Variants in CAMTA1 observed in about 807,000 individuals in gnomAD.
CAMTA1 encodes calmodulin-binding transcription activator 1.
CAMTA1 carries 27 observed loss-of-function variants against 170.9 expected under a neutral mutation model. The observed-to-expected ratio is 0.16, with a 90% CI of 0.12 to 0.22. The LOEUF (loss-of-function observed/expected upper bound fraction) is 0.22. CAMTA1 is among the 10% of genes least tolerant of loss of function. CAMTA1 has a pLI of 1.00. For synonymous variants in CAMTA1, 833 were observed against 891.5 expected, an observed-to-expected ratio of 0.93 and a Z score of 1.17; for missense variants, 1,619 against 2,217.2, an observed-to-expected ratio of 0.73 and a Z score of 5.42.
At chr1:7,094,153 C>A (rs552050841) in intron 4 of CAMTA1, among the ~76,000 whole-genome samples, 4 of 152,174 alleles carry the variant, frequency 2.6e-5, no homozygotes, top group African/African-American at 4.8e-5. Context: ...ATTATAATAT[C>A]CACTCCATGT....
intron 5 of CAMTA1, among the ~76,000 whole-genome samples, chr1:7,318,908 G>T (rs1677944572): frequency 6.6e-6 from 1 of 152,218 alleles, no homozygotes; most frequent in South Asian, 2.1e-4. Flanking sequence ...TGGACTGCTA[G>T]GGAAACCGGG....
intron 3 of CAMTA1, among the ~76,000 whole-genome samples, chr1:7,090,126 A>G (rs1274113157): frequency 6.6e-6 from 1 of 152,006 alleles, no homozygotes; most frequent in Admixed American, 6.6e-5. Flanking sequence ...GGCCGGCTCC[A>G]TGGGATGTCA....
intron 5 of CAMTA1, among the ~76,000 whole-genome samples, chr1:7,355,304 G>GC (rs70984078): frequency 1 from 151,980 of 152,000 alleles, 75,980 homozygotes; most frequent in Middle Eastern, 1. Context: ...AGATGGCTTG[G>GC]CCCGGAGGGG....
intron 6 of CAMTA1, among the ~76,000 whole-genome samples, chr1:7,567,039 C>A (rs1469988599): frequency 6.6e-6 from 1 of 152,214 alleles, no homozygotes. Context: ...AGGCTCAGAG[C>A]AGACAGCTGT....
chr1:6,786,295 C>T (rs559659562), intron 1 of CAMTA1, among the ~76,000 whole-genome samples: 1 of 152,104 alleles, frequency 6.6e-6, no homozygotes, highest in African/African-American at 2.4e-5. Context: ...GCATCCCCGC[C>T]CCTCGCAGTC....
In CAMTA1 at chr1:6,934,710, G is replaced by A. The variant is rs1246863992; in HGVS notation, c.234+109500G>A. 4.9e-5 allele frequency among the ~76,000 whole-genome samples: 7 copies of A among 144,246 alleles called. No homozygotes were observed. Among genetic ancestry groups the A allele is most frequent in the African/African-American group, 1.3e-4 (5 of 38,902 alleles). 94.6% of individuals were successfully genotyped at this position (144,246 alleles called of 152,430 possible). ...CTCCCCTCTCTCCCCTCTTATGCCC[G>A]CACCATGGCTTTACCTAGCCCTGCT... On this transcript the variant is annotated intron_variant, in intron 3 of 22. Transcript: ENST00000303635. This position sits in a 1 kb window ranked among gnomAD's most constrained non-coding sequence, Gnocchi z 4.5.
intron 4 of CAMTA1, among the ~76,000 whole-genome samples, chr1:7,137,181 A>G (rs1407686341): frequency 1.3e-5 from 2 of 152,140 alleles, no homozygotes; most frequent in African/African-American, 4.8e-5. Context: ...TTAATCCATC[A>G]GCAAACTTGT....
chr1:7,404,906 CT>C (rs2090180504), intron 5 of CAMTA1, among the ~76,000 whole-genome samples: 1 of 151,788 alleles, frequency 6.6e-6, no homozygotes, highest in Non-Finnish European at 1.5e-5. Flanking sequence ...ATAAAAGGGT[CT>C]TTTTTTGTTT....
chr1:7,417,210 C>T lies in CAMTA1; in HGVS notation c.439-50620C>T, dbSNP rs570631362. The stretch of plus-strand genomic sequence containing the variant: ...TACTGGGGGGTGCCTCCCAGTTAGG[C>T]TGCTCAGGGGTCAGGGACCCACTTG... On this transcript the variant is annotated intron_variant, in intron 5 of 22. Transcript: ENST00000303635. Among the ~76,000 whole-genome samples, 416 of 152,394 alleles carry T rather than the reference C, an allele frequency of 2.7e-3. 1 individual carries two copies. Among genetic ancestry groups the T allele is most frequent in the African/African-American group, 9.5e-3 (394 of 41,598 alleles).
intron 7 of CAMTA1, among the ~76,000 whole-genome samples, chr1:7,655,462 AAC>A (rs1177560431): frequency 1.5e-5 from 2 of 130,350 alleles, no homozygotes; most frequent in Admixed American, 7.6e-5. Context: ...CCTATACACA[AAC>A]ACACCCACCT....
At chr1:7,722,656 T>G (rs2149796517) in intron 11 of CAMTA1, among the ~76,000 whole-genome samples, 1 of 152,356 alleles carries the variant, frequency 6.6e-6, no homozygotes, top group Middle Eastern at 3.4e-3. Context: ...ACTTTTGAGA[T>G]ACAGGAGTTA....
rs200299440 is a variant in CAMTA1 at position 7,542,839 on chromosome 1, G to GTTTT, written c.510+74939_510+74940insTTTT. Among the ~76,000 whole-genome samples the GTTTT allele has an allele frequency of 4.1e-3, 535 of 129,842 alleles. 3 individuals are homozygous for GTTTT. The highest frequency in any genetic ancestry group is 8.2e-3 in the Middle Eastern group (2 of 244). 85.2% of individuals were successfully genotyped at this position (129,842 alleles called of 152,430 possible). On this transcript the variant is annotated intron_variant, in intron 6 of 22. Transcript: ENST00000303635. ...GCCACCACGCCTGGCCTAAAACACAGTGTGTGTGTGTGTGTGTGTGTGTGT... is the reference window on the plus strand; with the variant it reads ...GCCACCACGCCTGGCCTAAAACACAGTTTTTGTGTGTGTGTGTGTGTGTGTGTGT...
chr1:7,181,196 G>A (rs1483783478), intron 4 of CAMTA1, among the ~76,000 whole-genome samples: 2 of 152,122 alleles, frequency 1.3e-5, no homozygotes, highest in Non-Finnish European at 2.9e-5. Flanking sequence ...AATTCAATAT[G>A]CATTCCTGAT....
rs116621387 is a variant in CAMTA1, at chr1:7,760,405, C to T, written c.4989+4737C>T. 9.6e-3 allele frequency among the ~76,000 whole-genome samples: 1,468 copies of T among 152,208 alleles called. 17 individuals are homozygous for T. Among genetic ancestry groups the T allele is most frequent in the African/African-American group, 0.032 (1,327 of 41,516 alleles). On this transcript the variant is annotated intron_variant, in intron 22 of 22. Coordinates refer to ENST00000303635, the MANE Select transcript of CAMTA1 (RefSeq NM_015215.4). ...TCCAAGGGACAGTTCTCTAACAATG[C>T]GGGGAAGTGTACTGAGAAGTAAACA...
At position 7,573,480 on chromosome 1, in the gene CAMTA1, C is replaced by T. The variant is rs547564484; in HGVS notation, c.511-66920C>T. Among the ~76,000 whole-genome samples, 7 of 152,296 alleles carry T rather than the reference C, an allele frequency of 4.6e-5. No homozygotes were observed. The South Asian group carries it at 1.5e-3, about 32-fold the overall frequency. ...GCTGCCCTAATAAATTACCACTGAC[C>T]GGGTGGCTTAAAACAGCAGACATTT... is the stretch of plus-strand genomic sequence containing the variant. On this transcript the variant is annotated intron_variant, in intron 6 of 22. Transcript: ENST00000303635.
chr1:7,472,059 T>C (rs1424878006), intron 6 of CAMTA1, among the ~76,000 whole-genome samples: 1 of 152,154 alleles, frequency 6.6e-6, no homozygotes, highest in Non-Finnish European at 1.5e-5. Flanking sequence ...CGGGGGTGTG[T>C]CCCCGCATGG....
intron 6 of CAMTA1, among the ~76,000 whole-genome samples, chr1:7,599,615 T>C (rs1395341125): frequency 1.3e-5 from 2 of 152,256 alleles, no homozygotes; most frequent in African/African-American, 4.8e-5. Flanking sequence ...TTTTATTTCA[T>C]TGAGCAGTGG....
chr1:7,107,301 T>TGTGTGCGCGCGC (rs765615131), intron 4 of CAMTA1, among the ~76,000 whole-genome samples: 2 of 151,046 alleles, frequency 1.3e-5, no homozygotes, highest in African/African-American at 4.9e-5. Flanking sequence ...TGTGTGTGTG[T>TGTGTGCGCGCGC]GCGCGCCCAC....
intron 6 of CAMTA1, among the ~76,000 whole-genome samples, chr1:7,601,271 G>C (rs1405938713): frequency 6.6e-6 from 1 of 151,840 alleles, no homozygotes. Context: ...AGACGGGGCG[G>C]TTGCCAGGCA....
Sources: gnomAD v4.1 joint callset for allele counts (sites outside exome capture counted in the v4.1 genomes callset) on GRCh38, gnomAD v4.1.1 for gene constraint, Gnocchi (gnomAD v3.1) non-coding constraint, MANE v1.5 for transcripts, NCBI Gene and HGNC (gene_info 2026-07-23, HGNC 2026-07-21) for gene names.